MMP16: variants seen among roughly 807,000 people sequenced by gnomAD.
The protein encoded by MMP16 is matrix metalloproteinase-16.
MMP16 carries 12 observed loss-of-function variants against 67.8 expected under a neutral mutation model. That is an observed-to-expected ratio of 0.18 (90% CI 0.11 to 0.29). The LOEUF (loss-of-function observed/expected upper bound fraction) is 0.29. Among genes scored for constraint, MMP16 ranks in the 10% least tolerant of loss-of-function variants. The probability of loss-of-function intolerance (pLI) is 1.00; values close to 1 mark genes in which losing one functional copy is unlikely to be tolerated. For missense variants in MMP16, 475 were observed against 765.7 expected, an observed-to-expected ratio of 0.62 and a Z score of 4.48; for synonymous variants, 249 against 255.9, an observed-to-expected ratio of 0.97 and a Z score of 0.26.
chr8:88,235,892 C>T (rs752900924), intron 1 of MMP16, among the ~76,000 whole-genome samples: 7 of 151,638 alleles, frequency 4.6e-5, no homozygotes, highest in South Asian at 2.1e-4. Flanking sequence ...ATTATATTTT[C>T]GTCTCTTTTC....
intron 1 of MMP16, among the ~76,000 whole-genome samples, chr8:88,274,542 T>A (rs1234429643): frequency 6.6e-6 from 1 of 152,028 alleles, no homozygotes; most frequent in Non-Finnish European, 1.5e-5. Context: ...AAGTAGATAC[T>A]AAAAAGAAAT....
chr8:88,268,188 C>G (rs947399602), intron 1 of MMP16, among the ~76,000 whole-genome samples: 4 of 152,024 alleles, frequency 2.6e-5, no homozygotes, highest in African/African-American at 9.7e-5. Flanking sequence ...ACTAAAAATA[C>G]AAAAGTAGCT....
intron 1 of MMP16, among the ~76,000 whole-genome samples, chr8:88,261,458 C>A (rs1810387583): frequency 6.6e-6 from 1 of 151,850 alleles, no homozygotes. Flanking sequence ...AACTGCAATC[C>A]CCTAAAATCC....
At chr8:88,204,014 G>T (rs935393282) in intron 1 of MMP16, among the ~76,000 whole-genome samples, 1 of 152,156 alleles carries the variant, frequency 6.6e-6, no homozygotes, top group East Asian at 1.9e-4. Context: ...TTTAAAGACA[G>T]ATGTTTGGAA....
chr8:88,307,902 C>T (rs1400043491), intron 1 of MMP16, among the ~76,000 whole-genome samples: 1 of 151,962 alleles, frequency 6.6e-6, no homozygotes, highest in Non-Finnish European at 1.5e-5. Context: ...ATGAAAGTCG[C>T]TTGGTAATTA....
intron 1 of MMP16, among the ~76,000 whole-genome samples, chr8:88,247,252 C>T (rs1414823993): frequency 6.6e-6 from 1 of 151,978 alleles, no homozygotes; most frequent in Non-Finnish European, 1.5e-5. Context: ...TAAAAGATTG[C>T]CAACAAAAGT....
chr8:88,128,829 G>T (rs139069267), intron 4 of MMP16, among the ~76,000 whole-genome samples: 2 of 151,884 alleles, frequency 1.3e-5, no homozygotes, highest in African/African-American at 4.8e-5. Context: ...GGATCCTAAA[G>T]ATCTGGATGG....
At chr8:88,235,941 C>G (rs954901897) in intron 1 of MMP16, among the ~76,000 whole-genome samples, 2 of 151,646 alleles carry the variant, frequency 1.3e-5, no homozygotes, top group African/African-American at 2.4e-5. Context: ...ATTTTCAAAC[C>G]TCATAAAGTT....
intron 4 of MMP16, among the ~76,000 whole-genome samples, chr8:88,153,414 C>A (rs570648711): frequency 4.6e-5 from 7 of 152,296 alleles, no homozygotes; most frequent in African/African-American, 1.4e-4. Flanking sequence ...CCAAGTCAAC[C>A]CTAAGCCAAA....
At chr8:88,222,950 A>T (rs1206128329) in intron 1 of MMP16, among the ~76,000 whole-genome samples, 1 of 152,216 alleles carries the variant, frequency 6.6e-6, no homozygotes, top group Non-Finnish European at 1.5e-5. Context: ...CACCCATCTG[A>T]CAAAGGGCTA....
chr8:88,180,320 C>G (rs560536294), intron 3 of MMP16, among the ~76,000 whole-genome samples: 2 of 145,922 alleles, frequency 1.4e-5, no homozygotes, highest in South Asian at 4.5e-4. Flanking sequence ...CCAATAAAAA[C>G]AGCACAGAGT....
At chr8:88,165,472 C>T (rs1350824843) in intron 4 of MMP16, among the ~76,000 whole-genome samples, 1 of 151,860 alleles carries the variant, frequency 6.6e-6, no homozygotes, top group Non-Finnish European at 1.5e-5. Flanking sequence ...AATCTTTCCC[C>T]TGGAAGTAAA....
At chr8:88,123,594 T>C (rs1264565861) in intron 4 of MMP16, among the ~76,000 whole-genome samples, 1 of 151,886 alleles carries the variant, frequency 6.6e-6, no homozygotes, top group African/African-American at 2.4e-5. Flanking sequence ...CAGCATCTAT[T>C]ATGAACTATA....
intron 1 of MMP16, among the ~76,000 whole-genome samples, chr8:88,255,781 C>G (rs908736012): frequency 2.0e-5 from 3 of 152,168 alleles, no homozygotes; most frequent in African/African-American, 4.8e-5. Flanking sequence ...ATCAGACTTC[C>G]ACACTGACGA....
Position 88,216,903 on chromosome 8 carries a change from C to T in MMP16, c.133-19597G>A, listed in dbSNP as rs560345558. Among the ~76,000 whole-genome samples, 3 of 152,014 alleles carry T rather than the reference C, an allele frequency of 2.0e-5. No individual in the cohort carries two copies. In the South Asian group the frequency reaches 6.2e-4, roughly 31 times the overall value. On this transcript the variant is annotated intron_variant, in intron 1 of 9. Transcript: ENST00000286614. The stretch of plus-strand genomic sequence containing the variant: ...TTTATTGGATATATATTTTGAATTA[C>T]ATAAATATCTGGTTCCTCCAGTAAC...
intron 1 of MMP16, among the ~76,000 whole-genome samples, chr8:88,222,770 A>G (rs1207386308): frequency 1.3e-5 from 2 of 152,218 alleles, no homozygotes; most frequent in African/African-American, 4.8e-5. Context: ...AATACCATTC[A>G]GGACATAGGC....
chr8:88,112,161 C>T (rs1809348045), intron 6 of MMP16, among the ~76,000 whole-genome samples: 2 of 150,382 alleles, frequency 1.3e-5, no homozygotes, highest in African/African-American at 4.9e-5. Context: ...TCTTAAAGAA[C>T]TGGTCAGTAA....
At chr8:88,138,108 GGT>G (rs1174213456) in intron 4 of MMP16, among the ~76,000 whole-genome samples, 2 of 151,568 alleles carry the variant, frequency 1.3e-5, no homozygotes, top group Non-Finnish European at 2.9e-5. Flanking sequence ...TTTTTTCCTA[GGT>G]CTAGTTTCTT....
At chr8:88,262,950 A>G (rs528189612) in intron 1 of MMP16, among the ~76,000 whole-genome samples, 18 of 150,244 alleles carry the variant, frequency 1.2e-4, no homozygotes, top group African/African-American at 4.4e-4. Flanking sequence ...GCGTGAACCC[A>G]GGAGGTGGAG....
Sources: gnomAD v4.1 joint callset for allele counts (sites outside exome capture counted in the v4.1 genomes callset) on GRCh38, gnomAD v4.1.1 for gene constraint, MANE v1.5 for transcripts, NCBI Gene and HGNC (gene_info 2026-07-23, HGNC 2026-07-21) for gene names.